The following MPHOSPH9 variants were observed in gnomAD, a reference collection of about 807,000 sequenced individuals.
MPHOSPH9 encodes M-phase phosphoprotein 9.
A neutral mutation model predicts 145.5 loss-of-function variants in MPHOSPH9; 88 were observed. That is an observed-to-expected ratio of 0.60 (90% CI 0.51 to 0.72). The LOEUF is 0.72. Among genes scored for constraint, MPHOSPH9 ranks in the 30% least tolerant of loss-of-function variants. MPHOSPH9 has a pLI of 0.00. For synonymous variants in MPHOSPH9, 435 were observed against 486.2 expected (o/e 0.89, Z 1.39); for missense variants, 1,238 against 1,386.6 (o/e 0.89, Z 1.70).
At chr12:123,234,418 C>A (rs540557739), upstream of MPHOSPH9, among the ~76,000 whole-genome samples, 19 of 151,882 alleles carry the variant, frequency 1.3e-4, no homozygotes, top group African/African-American at 4.6e-4. Context: ...GTAGGGGGGA[C>A]AAGGTCTCTC....
intron 23 of MPHOSPH9, chr12:123,160,560 C>T: frequency 2.0e-6 from 1 of 498,052 alleles, no homozygotes. Flanking sequence ...TGAACACCTT[C>T]TTCTCTAAGT....
intron 3 of MPHOSPH9, among the ~76,000 whole-genome samples, chr12:123,226,873 C>T (rs1471319576): frequency 6.6e-6 from 1 of 152,092 alleles, no homozygotes; most frequent in Non-Finnish European, 1.5e-5. Flanking sequence ...CTGGCCTCAA[C>T]CAAACCTCCC....
At chr12:123,156,982 T>G in intron 23 of MPHOSPH9, 74 bp from the exon 24 acceptor site, 1 of 1,111,084 alleles carries the variant, frequency 9.0e-7, no homozygotes, top group Non-Finnish European at 1.3e-6. Context: ...AACTGACCTT[T>G]CTTTTAGCAA....
intron 1 of MPHOSPH9, among the ~76,000 whole-genome samples, chr12:123,242,815 CTT>C (rs1199299479): frequency 6.6e-6 from 1 of 152,214 alleles, no homozygotes. Flanking sequence ...CACTTCCTCT[CTT>C]TTTCCCTGCA....
At chr12:123,195,478 C>T (rs1199874722) in intron 12 of MPHOSPH9, among the ~76,000 whole-genome samples, 1 of 151,756 alleles carries the variant, frequency 6.6e-6, no homozygotes, top group East Asian at 1.9e-4. Flanking sequence ...CCCAGCTACT[C>T]AGGAGGCTGA....
chr12:123,157,172 T>C (rs1410295584), intron 23 of MPHOSPH9, among the ~76,000 whole-genome samples: 1 of 152,124 alleles, frequency 6.6e-6, no homozygotes, highest in Non-Finnish European at 1.5e-5. Context: ...GTAATAGCAA[T>C]ACAACCAACT....
rs200203836 is a variant in MPHOSPH9 at position 123,172,136 on chromosome 12, G to A, written c.2456+4552C>T. Reference sequence around the variant, plus strand: ...TCCTTAAGATTAATCCACGTTGACCGTCTAGCTGAGGATCAGCAAATTCTC... The same window carrying A: ...TCCTTAAGATTAATCCACGTTGACCATCTAGCTGAGGATCAGCAAATTCTC... On this transcript the variant is annotated intron_variant, in intron 16 of 23. Coordinates refer to ENST00000606320, the MANE Select transcript of MPHOSPH9 (RefSeq NM_022782.4). Among the ~76,000 whole-genome samples the A allele has an allele frequency of 5.9e-5, 9 of 152,142 alleles. No homozygotes were observed. In the East Asian group the frequency reaches 1.4e-3, roughly 23 times the overall value.
chr12:123,196,282 G>A (rs768123775), intron 12 of MPHOSPH9, among the ~76,000 whole-genome samples: 13 of 151,754 alleles, frequency 8.6e-5, no homozygotes, highest in Non-Finnish European at 1.6e-4. Flanking sequence ...CCAGGGAGAT[G>A]GAGGTTGCAG....
At chr12:123,219,197 G>T (rs192053895) in intron 5 of MPHOSPH9, among the ~76,000 whole-genome samples, 1 of 151,850 alleles carries the variant, frequency 6.6e-6, no homozygotes, top group African/African-American at 2.4e-5. Context: ...GAGCCACTGC[G>T]CCCAGCCAGT....
At chr12:123,169,277 C>T (rs905932438) in intron 16 of MPHOSPH9, among the ~76,000 whole-genome samples, 2 of 150,000 alleles carry the variant, frequency 1.3e-5, no homozygotes, top group Admixed American at 6.6e-5. Context: ...GGGCAGATAA[C>T]GAGGTCAGGA....
At chr12:123,219,915 G>A (rs1259756085) in intron 5 of MPHOSPH9, among the ~76,000 whole-genome samples, 1 of 152,136 alleles carries the variant, frequency 6.6e-6, no homozygotes. Context: ...GGGTGCAGTG[G>A]TTCACGCCTG....
At chr12:123,214,422 C>A (rs2046873659) in intron 7 of MPHOSPH9, among the ~76,000 whole-genome samples, 1 of 152,090 alleles carries the variant, frequency 6.6e-6, no homozygotes. Flanking sequence ...GTTGTCCCAG[C>A]TATTCTTGGG....
chr12:123,218,927 C>T (rs1364214832), intron 5 of MPHOSPH9, among the ~76,000 whole-genome samples: 2 of 144,568 alleles, frequency 1.4e-5, no homozygotes, highest in Admixed American at 6.7e-5. Flanking sequence ...TTTAGAGACC[C>T]TCTCTGTCAC....
rs534820993 is a variant in MPHOSPH9, at chr12:123,155,972, A to AG, written c.*834dup. The AG allele has an allele frequency of 8.2e-4, 125 of 152,408 alleles. 1 individual carries two copies. The highest frequency in any genetic ancestry group is 2.9e-3 in the African/African-American group (122 of 41,580). 9.4% of individuals were successfully genotyped at this position (152,408 alleles called of 1,614,324 possible). A position where few individuals can be genotyped will look rare whatever the true frequency, so the allele number is the denominator to read the frequency against. On this transcript the variant is annotated 3_prime_UTR_variant, in exon 24 of 24. Transcript: ENST00000606320. ...GATGACAACTATGACGGACAGCTGA[A>AG]GCCATGCACACTAAGAAAACCAGGC...
rs925501882 is a variant in MPHOSPH9, at chr12:123,209,988, G to A, written c.1194+68C>T. ...CCTGACCTCATGATCCGCCCACCTC[G>A]GCCTCCCAAAGCGCTGGGATTACAG... On this transcript the variant is annotated intron_variant, in intron 8 of 23. Transcript: ENST00000606320. 55 of 1,024,624 alleles carry A rather than the reference G, an allele frequency of 5.4e-5. No individual in the cohort carries two copies. The Admixed American group carries it at 8.6e-4, about 16-fold the overall frequency. The allele number at this position is 1,024,624 out of a possible 1,614,324, so 63.5% of individuals were successfully genotyped here.
At chr12:123,224,187 T>C (rs2047342770) in intron 3 of MPHOSPH9, among the ~76,000 whole-genome samples, 1 of 143,630 alleles carries the variant, frequency 7.0e-6, no homozygotes, top group Admixed American at 7.5e-5. Flanking sequence ...CAGACTGGAG[T>C]GCAGTGGCAT....
At chr12:123,219,329 T>C (rs1455718338) in intron 5 of MPHOSPH9, among the ~76,000 whole-genome samples, 1 of 151,100 alleles carries the variant, frequency 6.6e-6, no homozygotes, top group Non-Finnish European at 1.5e-5. Flanking sequence ...CCTGGCGCAG[T>C]GGCTCACGCC....
At chr12:123,210,987 T>TC (rs1565956044) in intron 7 of MPHOSPH9, among the ~76,000 whole-genome samples, 2 of 123,732 alleles carry the variant, frequency 1.6e-5, no homozygotes, top group Non-Finnish European at 3.4e-5. Flanking sequence ...CTTTTTTTTT[T>TC]TTTTTTTTTT....
intron 5 of MPHOSPH9, among the ~76,000 whole-genome samples, chr12:123,220,931 T>C (rs1382828886): frequency 1.3e-5 from 2 of 152,094 alleles, no homozygotes; most frequent in Non-Finnish European, 2.9e-5. Flanking sequence ...GGCGGGTGCC[T>C]GTAGTCCCAG....
Sources: allele counts gnomAD v4.1 joint callset (sites outside exome capture counted in the v4.1 genomes callset), GRCh38; gene constraint gnomAD v4.1.1; transcripts MANE v1.5; gene names NCBI Gene and HGNC (gene_info 2026-07-23, HGNC 2026-07-21).